Variants in ME3 observed in about 807,000 individuals in gnomAD.
ME3 encodes NADP-dependent malic enzyme, mitochondrial.
A neutral mutation model predicts 68.9 loss-of-function variants in ME3; 48 were observed. The observed-to-expected ratio is 0.70, with a 90% confidence interval of 0.55 to 0.89. The LOEUF (loss-of-function observed/expected upper bound fraction) is 0.89. Among genes scored for constraint, ME3 ranks in the 40% least tolerant of loss-of-function variants. ME3 has a pLI of 0.00. For synonymous variants in ME3, 320 were observed against 318.8 expected, an observed-to-expected ratio of 1.00 and a Z score of -0.04; for missense variants, 675 against 797.4, an observed-to-expected ratio of 0.85 and a Z score of 1.85.
rs557008738 is a variant in ME3, at chr11:86,619,928, A to G, written c.183+51834T>C. 1.7e-4 allele frequency among the ~76,000 whole-genome samples: 26 copies of G among 152,360 alleles called. No homozygotes were observed. The South Asian group carries it at 4.6e-3, about 27-fold the overall frequency. On this transcript the variant is annotated intron_variant, in intron 2 of 14. Transcript: ENST00000543262. ...TGTTCTTCCAACTATGGGATTCACAATAATTCACAGCCACAAACCATTTTT... is the reference window on the plus strand; with the variant it reads ...TGTTCTTCCAACTATGGGATTCACAGTAATTCACAGCCACAAACCATTTTT...
chr11:86,475,134 T>C (rs1288902250), intron 7 of ME3, among the ~76,000 whole-genome samples: 1 of 152,216 alleles, frequency 6.6e-6, no homozygotes, highest in African/African-American at 2.4e-5. Context: ...TACTGAAATG[T>C]AATTCCCAAT....
chr11:86,605,005 A>G (rs890497317), intron 2 of ME3, among the ~76,000 whole-genome samples: 1 of 152,090 alleles, frequency 6.6e-6, no homozygotes. Flanking sequence ...GTTGCTCCCC[A>G]TTTCTCCTAT....
chr11:86,491,205 T>C (rs1324338485), intron 6 of ME3, among the ~76,000 whole-genome samples: 1 of 152,206 alleles, frequency 6.6e-6, no homozygotes, highest in African/African-American at 2.4e-5. Context: ...TTAGAGGAAG[T>C]TGGAGTTCAA....
At chr11:86,544,366 G>A (rs934884084) in intron 4 of ME3, among the ~76,000 whole-genome samples, 3 of 152,186 alleles carry the variant, frequency 2.0e-5, no homozygotes, top group Non-Finnish European at 4.4e-5. Context: ...GAATCCAGGA[G>A]CTGGTTTTTT....
At chr11:86,532,118 A>G (rs972498368) in intron 4 of ME3, among the ~76,000 whole-genome samples, 3 of 152,214 alleles carry the variant, frequency 2.0e-5, no homozygotes, top group African/African-American at 7.2e-5. Context: ...AAACTGTAAA[A>G]AAGAGACAAA....
intron 2 of ME3, among the ~76,000 whole-genome samples, chr11:86,597,729 G>A (rs1195662543): frequency 1.3e-5 from 2 of 152,092 alleles, no homozygotes; most frequent in Non-Finnish European, 2.9e-5. Flanking sequence ...GAGTGACCAC[G>A]GCCCGTGACA....
intron 2 of ME3, among the ~76,000 whole-genome samples, chr11:86,636,504 C>T (rs527541015): frequency 2.0e-5 from 3 of 152,240 alleles, no homozygotes; most frequent in Admixed American, 1.3e-4. Context: ...GGTGCACCTC[C>T]AGAGTGACAA....
intron 2 of ME3, among the ~76,000 whole-genome samples, chr11:86,629,872 G>A (rs936971399): frequency 3.3e-5 from 5 of 152,274 alleles, no homozygotes; most frequent in African/African-American, 4.8e-5. Context: ...ATTGAAATTG[G>A]ATGTAAATAA....
intron 2 of ME3, among the ~76,000 whole-genome samples, chr11:86,594,724 G>T (rs1467377546): frequency 6.9e-6 from 1 of 145,940 alleles, no homozygotes; most frequent in Non-Finnish European, 1.5e-5. Context: ...ACGAAACAAA[G>T]TCTGCTCTCC....
At chr11:86,446,981 G>T in intron 12 of ME3, 84 bp downstream of exon 12, 2 of 1,494,650 alleles carry the variant, frequency 1.3e-6, no homozygotes, top group Non-Finnish European at 9.1e-7. Flanking sequence ...AGCGATGTAG[G>T]AGTATTTTTC....
At chr11:86,622,979 T>A (rs1231122998) in intron 2 of ME3, 1 of 152,214 alleles carries the variant, frequency 6.6e-6, no homozygotes, top group Non-Finnish European at 1.5e-5. Context: ...CTTCTGTGTC[T>A]CAGTTAACAC....
At chr11:86,645,709 A>G (rs1293442501) in intron 2 of ME3, among the ~76,000 whole-genome samples, 2 of 152,206 alleles carry the variant, frequency 1.3e-5, no homozygotes, top group East Asian at 3.9e-4. Flanking sequence ...GCTAAGGGAT[A>G]GACTGCCTCC....
chr11:86,643,739 G>A (rs1432490978), intron 2 of ME3, among the ~76,000 whole-genome samples: 1 of 152,056 alleles, frequency 6.6e-6, no homozygotes, highest in Non-Finnish European at 1.5e-5. Flanking sequence ...TACACTCTAG[G>A]TTCCTTGAGA....
intron 3 of ME3, among the ~76,000 whole-genome samples, chr11:86,559,045 G>A (rs1594442161): frequency 6.6e-6 from 1 of 152,150 alleles, no homozygotes; most frequent in Non-Finnish European, 1.5e-5. Context: ...TTCTAGCCAC[G>A]CCCATTTATA....
intron 8 of ME3, chr11:86,457,753 G>T (rs1444184017): frequency 1.6e-6 from 2 of 1,284,518 alleles, no homozygotes; most frequent in Admixed American, 2.3e-5. Context: ...AGTGTGGCAG[G>T]TTGTTCCTAT....
At chr11:86,444,524 G>A (rs892412141) in intron 13 of ME3, among the ~76,000 whole-genome samples, 4 of 152,160 alleles carry the variant, frequency 2.6e-5, no homozygotes, top group African/African-American at 9.7e-5. Flanking sequence ...AGATTTCCAT[G>A]GCTAGATATG....
intron 4 of ME3, among the ~76,000 whole-genome samples, chr11:86,541,966 A>C (rs1167215050): frequency 6.6e-6 from 1 of 152,154 alleles, no homozygotes. Flanking sequence ...AGCAGGCAGC[A>C]ATTTTTGCTG....
At chr11:86,639,597 G>C (rs905839312) in intron 2 of ME3, among the ~76,000 whole-genome samples, 2 of 152,070 alleles carry the variant, frequency 1.3e-5, no homozygotes, top group Non-Finnish European at 2.9e-5. Flanking sequence ...CTTTCTATTG[G>C]GTCTGGATTC....
intron 4 of ME3, among the ~76,000 whole-genome samples, chr11:86,549,508 C>T (rs1267827212): frequency 1.3e-5 from 2 of 152,188 alleles, no homozygotes; most frequent in Non-Finnish European, 2.9e-5. Context: ...TATATGACTG[C>T]TTTCATGTCT....
Sources: allele counts gnomAD v4.1 joint callset (sites outside exome capture counted in the v4.1 genomes callset), GRCh38; gene constraint gnomAD v4.1.1; transcripts MANE v1.5; gene names NCBI Gene and HGNC (gene_info 2026-07-23, HGNC 2026-07-21).